The following MICAL3 variants were observed in gnomAD, a reference collection of about 807,000 sequenced individuals.
MICAL3 encodes the protein microtubule associated monooxygenase, calponin and LIM domain containing 3.
A neutral mutation model predicts 207.4 loss-of-function variants in MICAL3; 62 were observed. That is an observed-to-expected ratio of 0.30 (90% CI 0.24 to 0.37). The LOEUF (loss-of-function observed/expected upper bound fraction) is 0.37. Among genes scored for constraint, MICAL3 ranks in the 10% least tolerant of loss-of-function variants. MICAL3 has a pLI of 1.00. For missense variants in MICAL3, 2,368 were observed against 2,635.6 expected, an observed-to-expected ratio of 0.90 and a Z score of 2.22; for synonymous variants, 1,077 against 1,069.3, an observed-to-expected ratio of 1.01 and a Z score of -0.14.
chr22:18,021,717 C>T (rs1924487741), intron 1 of MICAL3, among the ~76,000 whole-genome samples: 1 of 152,150 alleles, frequency 6.6e-6, no homozygotes, highest in Non-Finnish European at 1.5e-5. Flanking sequence ...ATCTGGTAGG[C>T]CATGTGGGAG....
intron 1 of MICAL3, among the ~76,000 whole-genome samples, chr22:17,931,905 GTA>G (rs1933283964): frequency 6.6e-6 from 1 of 152,244 alleles, no homozygotes; most frequent in Non-Finnish European, 1.5e-5. Flanking sequence ...TGAGTGCACA[GTA>G]TATGTCAAGA....
At position 17,827,625 on chromosome 22, in the gene MICAL3, TG is replaced by T; in HGVS notation, c.3193+18del. The stretch of plus-strand genomic sequence containing the variant: ...GTGGTGCTCGGGGCACACTGCGGCC[TG>T]GGGCTGGGAGTGTTTACCTCCGGAA... On this transcript the variant is annotated intron_variant, in intron 22 of 31. Coordinates refer to ENST00000441493, the MANE Select transcript of MICAL3 (RefSeq NM_015241.3). 1.3e-6 allele frequency: 2 copies of T among 1,547,292 alleles called. No homozygotes were observed. Among genetic ancestry groups the T allele is most frequent in the South Asian group, 1.2e-5 (1 of 83,726 alleles).
intron 1 of MICAL3, among the ~76,000 whole-genome samples, chr22:17,997,793 G>T (rs1922461886): frequency 6.6e-6 from 1 of 152,128 alleles, no homozygotes; most frequent in South Asian, 2.1e-4. Context: ...TTGTTGTGAG[G>T]AATAAATGAG....
chr22:17,975,997 C>A (rs958006508), intron 1 of MICAL3, among the ~76,000 whole-genome samples: 10 of 151,716 alleles, frequency 6.6e-5, no homozygotes, highest in Admixed American at 1.3e-4. Context: ...TGCAGTGAGC[C>A]GAGATAACAC....
At chr22:17,798,033 T>C (rs401224) in intron 29 of MICAL3, among the ~76,000 whole-genome samples, 68,815 of 152,040 alleles carry the variant, frequency 0.45, 16,701 homozygotes, top group African/African-American at 0.64. Flanking sequence ...AGAGGGCCAA[T>C]GAGGGAGACT....
rs12484835 is a variant in MICAL3, at chr22:17,847,303, T to C, written c.2606-5286A>G. On this transcript the variant is annotated intron_variant, in intron 19 of 31. Transcript: ENST00000441493. Reference sequence around the variant, plus strand: ...CCCACTTCTTTTTCCTTTCCTTCTTTATGAGCTTGGGAAAGTTTGAATGGA... The same window carrying C: ...CCCACTTCTTTTTCCTTTCCTTCTTCATGAGCTTGGGAAAGTTTGAATGGA... 9.6e-3 allele frequency among the ~76,000 whole-genome samples: 1,463 copies of C among 152,320 alleles called. 24 individuals carry two copies. Among genetic ancestry groups the C allele is most frequent in the Admixed American group, 0.033 (505 of 15,310 alleles).
chr22:17,947,969 G>A (rs1934153422), intron 1 of MICAL3, among the ~76,000 whole-genome samples: 1 of 150,100 alleles, frequency 6.7e-6, no homozygotes, highest in African/African-American at 2.5e-5. Flanking sequence ...AATAGCAAAA[G>A]TTTAAAAAAA....
intron 1 of MICAL3, among the ~76,000 whole-genome samples, chr22:17,951,701 CTTT>C (rs1254646327): frequency 2.9e-5 from 4 of 140,044 alleles, no homozygotes; most frequent in Admixed American, 7.0e-5. Context: ...AAATTTCTTT[CTTT>C]TTTTTTTTTT....
intron 1 of MICAL3, among the ~76,000 whole-genome samples, chr22:17,926,747 T>C (rs759255627): frequency 1.8e-4 from 28 of 152,194 alleles, no homozygotes; most frequent in Non-Finnish European, 3.1e-4. Flanking sequence ...CTAAGCATGG[T>C]GGGGAGGCAG....
At chr22:17,811,357 G>C (rs2062045787) in intron 27 of MICAL3, 1 of 153,362 alleles carries the variant, frequency 6.5e-6, no homozygotes. Flanking sequence ...GTATCCATGA[G>C]AGTCTTCCAA....
intron 1 of MICAL3, among the ~76,000 whole-genome samples, chr22:17,948,948 G>T (rs1456154144): frequency 6.9e-6 from 1 of 145,174 alleles, no homozygotes; most frequent in Non-Finnish European, 1.5e-5. Flanking sequence ...GGTGGGTCGT[G>T]CCTGTAATCC....
Position 17,896,341 on chromosome 22 carries a change from T to C in MICAL3, c.1227A>G (p.Thr409=), listed in dbSNP as rs1409013298. The change falls in exon 9 of 32, where the codon ACA becomes ACG. Residue 409 remains threonine, a synonymous_variant. Transcript: ENST00000441493. ...CAGCTAGAAAGCCCCGGGCTATTCC[T>C]GTTCCCATTGGCCAGAAAGGCTGTA... The part of the protein sequence containing the change: ...SLLEPFWPMG[T]GIARGFLAAM... The C allele has an allele frequency of 2.6e-6, 4 of 1,555,366 alleles. No homozygotes were observed. Among genetic ancestry groups the C allele is most frequent in the East Asian group, 2.4e-5 (1 of 41,240 alleles).
intron 16 of MICAL3, among the ~76,000 whole-genome samples, chr22:17,878,762 C>T (rs966983891): frequency 6.6e-6 from 1 of 152,182 alleles, no homozygotes; most frequent in Non-Finnish European, 1.5e-5. Context: ...CGATGGCCAG[C>T]TGCAATCAGT....
chr22:17,800,494 G>A (rs1347845231), intron 29 of MICAL3, among the ~76,000 whole-genome samples: 1 of 152,160 alleles, frequency 6.6e-6, no homozygotes, highest in Non-Finnish European at 1.5e-5. Flanking sequence ...CCAGCTATGT[G>A]AGGAAGGGAA....
chr22:17,966,477 A>G (rs1438485448), intron 1 of MICAL3, among the ~76,000 whole-genome samples: 1 of 152,092 alleles, frequency 6.6e-6, no homozygotes, highest in Non-Finnish European at 1.5e-5. Flanking sequence ...TCATATCCAG[A>G]CAGTACTGTT....
chr22:17,909,968 T>C (rs1414413373), intron 1 of MICAL3, among the ~76,000 whole-genome samples: 4 of 152,238 alleles, frequency 2.6e-5, no homozygotes, highest in Non-Finnish European at 5.9e-5. Flanking sequence ...CTGTGTGCCC[T>C]GCCTGCATTC....
Position 17,841,620 on chromosome 22 carries a change from ATC to A in MICAL3, c.2801+200_2801+201del. The A allele has an allele frequency of 1.7e-6, 1 of 596,814 alleles. No individual in the cohort carries two copies. The highest frequency in any genetic ancestry group is 3.0e-6 in the Non-Finnish European group (1 of 335,004). The allele number at this position is 596,814 out of a possible 1,614,324, so 37.0% of individuals were successfully genotyped here. On this transcript the variant is annotated intron_variant, in intron 20 of 31. Transcript: ENST00000441493. This position sits in a 1 kb window ranked among gnomAD's most constrained non-coding sequence, Gnocchi z 4.2. The stretch of plus-strand genomic sequence containing the variant: ...TCCTCAAGGAATAAATACTTCCTGA[ATC>A]TCTGAATTGAGTCTGATGGAGGAGT...
At chr22:17,803,812 A>G in intron 29 of MICAL3, 3 of 985,722 alleles carry the variant, frequency 3.0e-6, no homozygotes, top group Middle Eastern at 5.2e-4. Context: ...CATACATACC[A>G]CCCAGATGCA....
intron 20 of MICAL3, chr22:17,840,967 G>C (rs959404230): frequency 4.6e-5 from 7 of 152,332 alleles, no homozygotes; most frequent in African/African-American, 1.7e-4. Flanking sequence ...AAAGCAGCTC[G>C]GCCCAGCAAA....
Sources: gnomAD v4.1 joint callset for allele counts (sites outside exome capture counted in the v4.1 genomes callset) on GRCh38, gnomAD v4.1.1 for gene constraint, Gnocchi (gnomAD v3.1) non-coding constraint, MANE v1.5 for transcripts, NCBI Gene and HGNC (gene_info 2026-07-23, HGNC 2026-07-21) for gene names.